USH2A: variants seen among roughly 807,000 people sequenced by gnomAD.
USH2A encodes the protein Usher syndrome 2A (autosomal recessive, mild).
Under a neutral mutation model 538.9 loss-of-function variants are expected in USH2A, and 443 were observed. That is an observed-to-expected ratio of 0.82 (90% confidence interval 0.76 to 0.89). The LOEUF (loss-of-function observed/expected upper bound fraction) is 0.89, where lower values mean the gene tolerates loss of function less well. USH2A is among the 40% of genes least tolerant of loss of function. The pLI is 0.00. For synonymous variants in USH2A, 2,413 were observed against 2,273.5 expected, an observed-to-expected ratio of 1.06 and a Z score of -1.75; for missense variants, 6,633 against 6,324.8, an observed-to-expected ratio of 1.05 and a Z score of -1.65.
chr1:216,099,469 T>C (rs1293184598), intron 21 of USH2A, among the ~76,000 whole-genome samples: 1 of 151,980 alleles, frequency 6.6e-6, no homozygotes, highest in African/African-American at 2.4e-5. Flanking sequence ...ATCCCATAAA[T>C]TAATGGAAGA....
chr1:216,279,039 G>A lies in USH2A; in HGVS notation c.1971+10241C>T, dbSNP rs148966722. On this transcript the variant is annotated intron_variant, in intron 11 of 71. Transcript: ENST00000307340. The stretch of plus-strand genomic sequence containing the variant: ...TCTTTCACTGATGCCTTTCCATTTC[G>A]TCTAATTCATTTCAACCTCAGTTTC... 7.8e-3 allele frequency among the ~76,000 whole-genome samples: 1,178 copies of A among 151,850 alleles called. 16 individuals are homozygous for A. The highest frequency in any genetic ancestry group is 0.027 in the African/African-American group (1,102 of 41,404).
chr1:215,933,473 C>T (rs997542114), intron 38 of USH2A, among the ~76,000 whole-genome samples: 3 of 151,928 alleles, frequency 2.0e-5, no homozygotes, highest in African/African-American at 7.2e-5. Context: ...AGTAATGTAG[C>T]TTCTGACATT....
At chr1:216,191,824 A>C (rs2034721912) in intron 19 of USH2A, among the ~76,000 whole-genome samples, 1 of 152,058 alleles carries the variant, frequency 6.6e-6, no homozygotes. Flanking sequence ...TAGGAAGTAC[A>C]ACTATTTTTT....
At chr1:215,716,694 G>C (rs1433810881) in intron 61 of USH2A, among the ~76,000 whole-genome samples, 2 of 152,134 alleles carry the variant, frequency 1.3e-5, no homozygotes, top group African/African-American at 4.8e-5. Flanking sequence ...AAAATTCTCT[G>C]ATTTTGTAAT....
chr1:216,049,501 C>T (rs12081975), intron 30 of USH2A, among the ~76,000 whole-genome samples: 19,471 of 151,890 alleles, frequency 0.13, 2,100 homozygotes, highest in African/African-American at 0.3. Context: ...ACTGTTTTTC[C>T]GCAAAGACGT....
intron 40 of USH2A, among the ~76,000 whole-genome samples, chr1:215,897,308 G>A (rs888764409): frequency 3.9e-5 from 6 of 152,142 alleles, no homozygotes; most frequent in Non-Finnish European, 1.5e-5. Context: ...AAAGGTGCCT[G>A]TTGATGGTAT....
intron 40 of USH2A, among the ~76,000 whole-genome samples, chr1:215,893,035 T>C (rs544430014): frequency 6.6e-6 from 1 of 152,236 alleles, no homozygotes; most frequent in South Asian, 2.1e-4. Context: ...GAAAATAAAA[T>C]GCATTGATGT....
intron 3 of USH2A, among the ~76,000 whole-genome samples, chr1:216,397,220 A>G (rs1399737103): frequency 6.6e-6 from 1 of 152,220 alleles, no homozygotes; most frequent in Non-Finnish European, 1.5e-5. Flanking sequence ...ATATTTGCTG[A>G]AAAGTGTTAA....
intron 38 of USH2A, among the ~76,000 whole-genome samples, chr1:215,927,326 G>A (rs1192360409): frequency 6.6e-6 from 1 of 152,024 alleles, no homozygotes; most frequent in Non-Finnish European, 1.5e-5. Flanking sequence ...TCCTTTTAAA[G>A]GAGTTTTCAA....
intron 21 of USH2A, among the ~76,000 whole-genome samples, chr1:216,120,537 G>A (rs998280421): frequency 3.3e-5 from 5 of 150,994 alleles, no homozygotes; most frequent in South Asian, 4.3e-4. Flanking sequence ...CCGCCACAGC[G>A]CCCAGCTAAT....
chr1:216,149,928 T>C (rs2033799377), intron 21 of USH2A, among the ~76,000 whole-genome samples: 1 of 152,108 alleles, frequency 6.6e-6, no homozygotes, highest in Non-Finnish European at 1.5e-5. Flanking sequence ...TAATCCCTCC[T>C]CTTCCTCCTG....
intron 21 of USH2A, among the ~76,000 whole-genome samples, chr1:216,116,487 G>T (rs1380379051): frequency 2.0e-5 from 3 of 151,970 alleles, no homozygotes; most frequent in South Asian, 2.1e-4. Context: ...GACCCAAAAG[G>T]ACATTAAAGA....
intron 11 of USH2A, among the ~76,000 whole-genome samples, chr1:216,260,752 A>G (rs932789006): frequency 1.3e-5 from 2 of 152,144 alleles, no homozygotes; most frequent in Admixed American, 6.6e-5. Flanking sequence ...CAGCTCCATT[A>G]TATTGGAACA....
intron 32 of USH2A, among the ~76,000 whole-genome samples, chr1:216,024,046 T>C (rs1466160401): frequency 6.6e-6 from 1 of 152,100 alleles, no homozygotes; most frequent in Non-Finnish European, 1.5e-5. Context: ...GTTTGATTAA[T>C]AACCATATAA....
At chr1:216,191,307 C>T (rs1014641003) in intron 19 of USH2A, among the ~76,000 whole-genome samples, 1 of 151,766 alleles carries the variant, frequency 6.6e-6, no homozygotes, top group Non-Finnish European at 1.5e-5. Context: ...AGTTCAGTAA[C>T]ATTTGGAGTA....
chr1:216,253,545 T>G (rs570402218), intron 11 of USH2A, among the ~76,000 whole-genome samples: 1 of 152,328 alleles, frequency 6.6e-6, no homozygotes, highest in East Asian at 1.9e-4. Context: ...AGGCAGCCTA[T>G]GACCCTAATT....
intron 21 of USH2A, among the ~76,000 whole-genome samples, chr1:216,129,755 C>T (rs539799008): frequency 3.3e-5 from 5 of 151,920 alleles, no homozygotes; most frequent in African/African-American, 4.8e-5. Flanking sequence ...TCCAAGACAT[C>T]CTGAGCAAAA....
intron 30 of USH2A, among the ~76,000 whole-genome samples, chr1:216,069,489 C>T (rs898704499): frequency 2.0e-5 from 3 of 152,102 alleles, no homozygotes; most frequent in African/African-American, 7.2e-5. Flanking sequence ...TTAAACTCTC[C>T]CTTTAAATGT....
intron 34 of USH2A, among the ~76,000 whole-genome samples, chr1:215,993,509 A>AACAC (rs66804361): frequency 0.021 from 3,046 of 146,412 alleles, 40 homozygotes; most frequent in Non-Finnish European, 0.025. Flanking sequence ...GAGTGAATTA[A>AACAC]ACACACACAC....
Sources: allele counts gnomAD v4.1 joint callset (sites outside exome capture counted in the v4.1 genomes callset), GRCh38; gene constraint gnomAD v4.1.1; transcripts MANE v1.5; gene names NCBI Gene and HGNC (gene_info 2026-07-23, HGNC 2026-07-21).